HSPA12A: variants seen among roughly 807,000 people sequenced by gnomAD.
HSPA12A encodes the protein heat shock protein family A (Hsp70) member 12A.
In HSPA12A, 28 loss-of-function variants were observed where a neutral mutation model predicts 69.2. The ratio of observed to expected loss-of-function variants is 0.40; its 90% CI spans 0.30 to 0.55. HSPA12A has a LOEUF of 0.55. Among genes scored for constraint, HSPA12A ranks in the 20% least tolerant of loss-of-function variants. HSPA12A has a pLI of 0.38. For synonymous variants in HSPA12A, 345 were observed against 370.5 expected (o/e 0.93, Z 0.79); for missense variants, 686 against 900.7 (o/e 0.76, Z 3.05).
chr10:116,721,757 C>G (rs1850785688), intron 1 of HSPA12A, among the ~76,000 whole-genome samples: 1 of 152,126 alleles, frequency 6.6e-6, no homozygotes, highest in African/African-American at 2.4e-5. Flanking sequence ...CATATACACT[C>G]CAGGAAATAA....
chr10:116,696,658 C>T (rs1346512428), intron 5 of HSPA12A, among the ~76,000 whole-genome samples: 2 of 152,066 alleles, frequency 1.3e-5, no homozygotes, highest in African/African-American at 4.8e-5. Context: ...TCACTCATTC[C>T]CCCACTAGAA....
intron 2 of HSPA12A, among the ~76,000 whole-genome samples, chr10:116,820,523 A>G (rs560001980): frequency 2.0e-4 from 30 of 152,004 alleles, no homozygotes; most frequent in Non-Finnish European, 3.4e-4. Flanking sequence ...GTGGCCAGTC[A>G]CCACCCTCTC....
intron 2 of HSPA12A, chr10:116,750,633 C>A (rs1392236447): frequency 1.7e-5 from 4 of 241,950 alleles, no homozygotes; most frequent in African/African-American, 6.8e-5. Flanking sequence ...AGTAACGCTG[C>A]TATGCAACAG....
At chr10:116,740,637 C>CGT (rs60427815) in intron 1 of HSPA12A, among the ~76,000 whole-genome samples, 56 of 137,796 alleles carry the variant, frequency 4.1e-4, no homozygotes, top group African/African-American at 1.5e-3. Flanking sequence ...CTCCCAGCAC[C>CGT]GTGTGTGTGT....
chr10:116,779,953 C>CT (rs1564817366), intron 2 of HSPA12A, among the ~76,000 whole-genome samples: 1 of 152,108 alleles, frequency 6.6e-6, no homozygotes, highest in African/African-American at 2.4e-5. Context: ...AAGGGCTGGC[C>CT]GGCCCTGAAG....
chr10:116,841,945 G>T (rs78842134), intron 1 of HSPA12A, among the ~76,000 whole-genome samples: 6,029 of 151,972 alleles, frequency 0.04, 385 homozygotes, highest in African/African-American at 0.13. Context: ...TAAAGTCAAG[G>T]CCTAAGTTGA....
chr10:116,750,898 C>G lies in HSPA12A; in HGVS notation c.92-43613G>C, dbSNP rs7907566. On this transcript the variant is annotated intron_variant, in intron 2 of 12. Transcript: ENST00000635765. Reference sequence around the variant, plus strand: ...TGAGGTGGGAGGATCGCTTTAGCCTCGGAGGTCGAGGTTGCAGTGAGCTGA... The same window carrying G: ...TGAGGTGGGAGGATCGCTTTAGCCTGGGAGGTCGAGGTTGCAGTGAGCTGA... 4.9e-3 allele frequency among the ~76,000 whole-genome samples: 744 copies of G among 151,910 alleles called. 2 individuals are homozygous for G. Among genetic ancestry groups the G allele is most frequent in the African/African-American group, 0.017 (712 of 41,446 alleles).
chr10:116,822,446 A>C (rs1845423653), intron 2 of HSPA12A, among the ~76,000 whole-genome samples: 1 of 152,268 alleles, frequency 6.6e-6, no homozygotes, highest in Non-Finnish European at 1.5e-5. Flanking sequence ...CTGTGGGTTC[A>C]CAGAGAAAAT....
At chr10:116,752,214 G>A (rs952552442) in intron 2 of HSPA12A, among the ~76,000 whole-genome samples, 47 of 152,164 alleles carry the variant, frequency 3.1e-4, no homozygotes, top group Non-Finnish European at 1.9e-4. Flanking sequence ...ACCCAGAGCC[G>A]GTCTGCTTAA....
At position 116,738,363 on chromosome 10, in the gene HSPA12A, A is replaced by G. The variant is rs142306747; in HGVS notation, c.40+4067T>C. 2.6e-3 allele frequency among the ~76,000 whole-genome samples: 397 copies of G among 152,244 alleles called. 1 individual carries two copies. The highest frequency in any genetic ancestry group is 9.1e-3 in the African/African-American group (377 of 41,530). ...AAAGTAAGACATTTATTGAACACCT[A>G]CTAGTGTCCTTAGTAAAAAAAAATG... On this transcript the variant is annotated intron_variant, in intron 1 of 11. Transcript: ENST00000369209.
At chr10:116,765,085 G>A (rs1844049250) in intron 2 of HSPA12A, among the ~76,000 whole-genome samples, 1 of 152,152 alleles carries the variant, frequency 6.6e-6, no homozygotes, top group Admixed American at 6.5e-5. Flanking sequence ...AATGGGGAAA[G>A]GTGAGGTAAA....
rs1849083119 is a variant in HSPA12A, at chr10:116,671,664, C to T, written c.*3117G>A. 6.6e-6 allele frequency: 1 copy of T among 152,666 alleles called. No homozygotes were observed. The highest frequency in any genetic ancestry group is 6.5e-5 in the Admixed American group (1 of 15,288). The allele number at this position is 152,666 out of a possible 1,614,324, so 9.5% of individuals were successfully genotyped here. On this transcript the variant is annotated 3_prime_UTR_variant, in exon 12 of 12. Transcript: ENST00000369209. Reference sequence around the variant, plus strand: ...CAAAAACAGTTGTATGGTTCCTCCTCTTTCCCCTCCTGTCTGTAACTTGTC... The same window carrying T: ...CAAAAACAGTTGTATGGTTCCTCCTTTTTCCCCTCCTGTCTGTAACTTGTC...
chr10:116,675,094 A>G lies in HSPA12A; in HGVS notation c.1715T>C (p.Ile572Thr). The G allele has an allele frequency of 6.2e-7, 1 of 1,613,942 alleles. No individual in the cohort carries two copies. Among genetic ancestry groups the G allele is most frequent in the Non-Finnish European group, 8.5e-7 (1 of 1,179,996 alleles). ...RWCTDVFDKF[I>T]SADQSVALGE... ...CAGAGCCACAGACTGGTCGGCAGAG[A>G]TGAACTTGTCAAAGACGTCGGTGCA... The change falls in exon 12 of 12, where the codon ATC becomes ACC. Residue 572 changes from isoleucine (I) to threonine (T), a missense_variant. Transcript: ENST00000369209. This position sits in a 1 kb window ranked among gnomAD's most constrained non-coding sequence, Gnocchi z 5.2.
At chr10:116,756,064 G>C (rs1554888745) in intron 2 of HSPA12A, among the ~76,000 whole-genome samples, 1 of 152,152 alleles carries the variant, frequency 6.6e-6, no homozygotes, top group East Asian at 1.9e-4. Context: ...AAGTATGCCT[G>C]CATACGAACA....
At chr10:116,707,149 GCGCGCACACACACACA>G (rs1274885414) in intron 2 of HSPA12A, 35 bp downstream of exon 2, 25 of 446,446 alleles carry the variant, frequency 5.6e-5, no homozygotes, top group Admixed American at 4.7e-4. Context: ...GCGCACCCAT[GCGCGCACACACACACA>G]CACACACACA....
At chr10:116,683,685 A>G (rs782659363) in intron 7 of HSPA12A, 106 bp downstream of exon 7, 1 of 1,184,594 alleles carries the variant, frequency 8.4e-7, no homozygotes, top group Non-Finnish European at 1.1e-6. Context: ...GAGTATCCTG[A>G]TTCTTCATTA....
At chr10:116,713,386 C>T (rs141412165) in intron 1 of HSPA12A, among the ~76,000 whole-genome samples, 3 of 152,168 alleles carry the variant, frequency 2.0e-5, no homozygotes, top group African/African-American at 7.2e-5. Flanking sequence ...CTACAAAGAA[C>T]ACTGAGTGTA....
At chr10:116,713,011 T>TATATATATATATATATATA (rs1554883335) in intron 1 of HSPA12A, among the ~76,000 whole-genome samples, 237 of 130,878 alleles carry the variant, frequency 1.8e-3, no homozygotes, top group Middle Eastern at 3.8e-3. Context: ...TATATATATA[T>TATATATATATATATATATA]TTGCATTTCT....
chr10:116,683,215 A>C (rs1216604931), intron 7 of HSPA12A, among the ~76,000 whole-genome samples: 3 of 152,068 alleles, frequency 2.0e-5, no homozygotes, highest in Admixed American at 2.0e-4. Flanking sequence ...TCTGTGACCA[A>C]GGCTATGACC....
Sources: gnomAD v4.1 joint callset for allele counts (sites outside exome capture counted in the v4.1 genomes callset) on GRCh38, gnomAD v4.1.1 for gene constraint, Gnocchi (gnomAD v3.1) non-coding constraint, MANE v1.5 for transcripts, NCBI Gene and HGNC (gene_info 2026-07-23, HGNC 2026-07-21) for gene names.